The following ZNF561 variants were observed in gnomAD, a reference collection of about 807,000 sequenced individuals.
The protein encoded by ZNF561 is zinc finger protein 561.
ZNF561 carries 16 observed loss-of-function variants against 16.7 expected under a neutral mutation model. That is an observed-to-expected ratio of 0.96 (90% CI 0.65 to 1.45). The LOEUF is 1.45. Ranked by LOEUF, ZNF561 falls within the 40% of genes most tolerant of loss-of-function variation. The probability of loss-of-function intolerance (pLI) is 0.00; values close to 1 mark genes in which losing one functional copy is unlikely to be tolerated. For missense variants in ZNF561, 580 were observed against 578.0 expected, an observed-to-expected ratio of 1.00 and a Z score of -0.04; for synonymous variants, 190 against 192.1, an observed-to-expected ratio of 0.99 and a Z score of 0.09.
chr19:9,620,072 G>A (rs1395113030), intron 1 of ZNF561, among the ~76,000 whole-genome samples: 2 of 151,714 alleles, frequency 1.3e-5, no homozygotes, highest in African/African-American at 2.4e-5. Context: ...GGGACCATAG[G>A]TGCGTATCAT....
rs146152637 is a variant in ZNF561 at position 9,610,612 on chromosome 19, G to C, written c.1049C>G (p.Ser350Trp). 1.2e-6 allele frequency: 2 copies of C among 1,613,804 alleles called. No homozygotes were observed. Among genetic ancestry groups the C allele is most frequent in the Non-Finnish European group, 1.7e-6 (2 of 1,179,820 alleles). Residue 350 changes from serine (S) to tryptophan (W), a missense_variant, in exon 6 of 6, where the codon TCG becomes TGG. Coordinates refer to ENST00000302851, the MANE Select transcript of ZNF561 (RefSeq NM_152289.3). Reference sequence around the variant, plus strand: ...ACTTCGTATGTGTATAGAAAGGCCCGAGTACTGAGCAAAGGCTTGGCCACA... The same window carrying C: ...ACTTCGTATGTGTATAGAAAGGCCCCAGTACTGAGCAAAGGCTTGGCCACA... ...KECGQAFAQY[S>W]GLSIHIRSHS...
In ZNF561 at chr19:9,610,963, G is replaced by A; in HGVS notation, c.698C>T (p.Ala233Val). The change falls in exon 6 of 6, where the codon GCT becomes GTT. Residue 233 changes from alanine to valine, a missense_variant. By Grantham distance (64) the Ala-to-Val change is moderately conservative. Transcript: ENST00000302851. ...CTTTAGGTGTGAAGAAGCTGTGACAGCTCTCCCATATTCCTGAAATTCACA... is the reference window on the plus strand; with the variant it reads ...CTTTAGGTGTGAAGAAGCTGTGACAACTCTCCCATATTCCTGAAATTCACA... The part of the protein sequence containing the change: ...KLCEFQEYGR[A>V]VTASSHLKQC... 6.2e-7 allele frequency: 1 copy of A among 1,614,162 alleles called. No homozygotes were observed. The highest frequency in any genetic ancestry group is 8.5e-7 in the Non-Finnish European group (1 of 1,180,026).
chr19:9,608,644 G>C lies in ZNF561; in HGVS notation c.*1556C>G, dbSNP rs1252595017. 1 of 152,196 alleles carries C rather than the reference G, an allele frequency of 6.6e-6. No individual in the cohort carries two copies. Among genetic ancestry groups the C allele is most frequent in the Admixed American group, 6.6e-5 (1 of 15,266 alleles). 9.4% of individuals were successfully genotyped at this position (152,196 alleles called of 1,614,324 possible). A position where few individuals can be genotyped will look rare whatever the true frequency, so the allele number is the denominator to read the frequency against. Reference sequence around the variant, plus strand: ...TTCTGATGTGCAAGCTGGAAGTAAGGTTGGTAAGGGTGATCCTGGTGAGGT... The same window carrying C: ...TTCTGATGTGCAAGCTGGAAGTAAGCTTGGTAAGGGTGATCCTGGTGAGGT... On this transcript the variant is annotated 3_prime_UTR_variant, in exon 6 of 6. Coordinates refer to ENST00000302851, the MANE Select transcript of ZNF561 (RefSeq NM_152289.3).
At chr19:9,620,363 T>C (rs2074648722) in intron 1 of ZNF561, among the ~76,000 whole-genome samples, 1 of 152,186 alleles carries the variant, frequency 6.6e-6, no homozygotes, top group African/African-American at 2.4e-5. Flanking sequence ...TAGCTGGGAC[T>C]ACAGGTGCAC....
Position 9,611,074 on chromosome 19 carries a change from G to A in ZNF561, c.587C>T (p.Pro196Leu), listed in dbSNP as rs1338918330. ...VHLEVLNARQ[P>L]YKCKECGKGF... The stretch of plus-strand genomic sequence containing the variant: ...TTTTCCACATTCCTTACATTTGTAG[G>A]GTTGTCTTGCATTGAGAACTTCAAG... Residue 196 changes from proline (P) to leucine (L), a missense_variant, in exon 6 of 6, where the codon CCC (proline) becomes CTC (leucine). By Grantham distance (98) the Pro-to-Leu change is moderately conservative. Coordinates refer to ENST00000302851, the MANE Select transcript of ZNF561 (RefSeq NM_152289.3). 1 of 1,614,130 alleles carries A rather than the reference G, an allele frequency of 6.2e-7. No individual in the cohort carries two copies. Among genetic ancestry groups the A allele is most frequent in the Admixed American group, 1.7e-5 (1 of 60,002 alleles).
At chr19:9,613,647 A>C (rs1031876503) in intron 5 of ZNF561, among the ~76,000 whole-genome samples, 1 of 152,052 alleles carries the variant, frequency 6.6e-6, no homozygotes, top group African/African-American at 2.4e-5. Context: ...CCTCCCAAGT[A>C]ACTGGTATGA....
In ZNF561 at chr19:9,610,745, T is replaced by C. The variant is rs1395638081; in HGVS notation, c.916A>G (p.Ile306Val). 2 of 1,614,234 alleles carry C rather than the reference T, an allele frequency of 1.2e-6. No homozygotes were observed. Among genetic ancestry groups the C allele is most frequent in the African/African-American group, 2.7e-5 (2 of 75,074 alleles). The change falls in exon 6 of 6, where the codon ATA becomes GTA. Residue 306 changes from isoleucine (I) to valine (V), a missense_variant. Physicochemically the swap from Ile to Val is conservative, Grantham distance 29 (BLOSUM62 3). Coordinates refer to ENST00000302851, the MANE Select transcript of ZNF561 (RefSeq NM_152289.3). ...CAGTAAGTACACTTGTGTGGTTTTATTCCAGTGTGAATTTGAATGTGATCA... is the reference window on the plus strand; with the variant it reads ...CAGTAAGTACACTTGTGTGGTTTTACTCCAGTGTGAATTTGAATGTGATCA... ...LNDHIQIHTGIKPHKCTYCGK... is the reference protein window; with the variant it reads ...LNDHIQIHTGVKPHKCTYCGK...
At chr19:9,617,227 C>T in intron 3 of ZNF561, 56 bp from the exon 4 acceptor site, 1 of 1,578,668 alleles carries the variant, frequency 6.3e-7, no homozygotes, top group Non-Finnish European at 8.6e-7. Flanking sequence ...CCAATATTCA[C>T]TGGAGAATGA....
Position 9,618,039 on chromosome 19 carries a change from A to T in ZNF561, c.114+52T>A, listed in dbSNP as rs1026181208. The T allele has an allele frequency of 1.5e-5, 22 of 1,481,162 alleles. No individual in the cohort carries two copies. The African/African-American group carries it at 3.1e-4, about 21-fold the overall frequency. The allele number at this position is 1,481,162 out of a possible 1,614,324, so 91.8% of individuals were successfully genotyped here. On this transcript the variant is annotated intron_variant, in intron 3 of 5. Coordinates refer to ENST00000302851, the MANE Select transcript of ZNF561 (RefSeq NM_152289.3). ...AGTCTGTCTAGAAAGAAATCTGTCT[A>T]CCTATTGGATGAAAGCATATCATTT...
Position 9,610,586 on chromosome 19 carries a change from G to C in ZNF561, c.1075C>G (p.His359Asp). Residue 359 changes from histidine to aspartate, a missense_variant, in exon 6 of 6, where the codon CAC becomes GAC. Coordinates refer to ENST00000302851, the MANE Select transcript of ZNF561 (RefSeq NM_152289.3). ...YSGLSIHIRSHSGKKPYQCKE... is the reference protein window; with the variant it reads ...YSGLSIHIRSDSGKKPYQCKE... ...CACTGATAGGGTTTCTTTCCACTGT[G>C]ACTTCGTATGTGTATAGAAAGGCCC... The C allele has an allele frequency of 6.2e-7, 1 of 1,613,180 alleles. No homozygotes were observed.
Position 9,608,819 on chromosome 19 carries a change from C to A in ZNF561, c.*1381G>T, listed in dbSNP as rs2074395161. The A allele has an allele frequency of 6.6e-6, 1 of 152,182 alleles. No individual in the cohort carries two copies. The highest frequency in any genetic ancestry group is 1.5e-5 in the Non-Finnish European group (1 of 68,026). 9.4% of individuals were successfully genotyped at this position (152,182 alleles called of 1,614,324 possible). On this transcript the variant is annotated 3_prime_UTR_variant, in exon 6 of 6. Coordinates refer to ENST00000302851, the MANE Select transcript of ZNF561 (RefSeq NM_152289.3). Reference sequence around the variant, plus strand: ...AAAACTGGTTATGTATCACTAAGATCTGTACTTAAAGTGTTAAAGGACACA... The same window carrying A: ...AAAACTGGTTATGTATCACTAAGATATGTACTTAAAGTGTTAAAGGACACA...
chr19:9,610,454 T>C lies in ZNF561; in HGVS notation c.1207A>G (p.Ile403Val), dbSNP rs141455435. ...YECVECGKTF[I>V]TSSRRSKHLK... The stretch of plus-strand genomic sequence containing the variant: ...TGTTTACTACGACGGGAAGAAGTAA[T>C]GAAGGTCTTCCCACATTCAACACAT... Residue 403 changes from isoleucine (I) to valine (V), a missense_variant, in exon 6 of 6, where the codon ATT (isoleucine) becomes GTT (valine). By Grantham distance (29) the Ile-to-Val change is conservative. Coordinates refer to ENST00000302851, the MANE Select transcript of ZNF561 (RefSeq NM_152289.3). 4 of 1,611,874 alleles carry C rather than the reference T, an allele frequency of 2.5e-6. No homozygotes were observed. The highest frequency in any genetic ancestry group is 3.4e-6 in the Non-Finnish European group (4 of 1,178,406).
chr19:9,616,506 C>T (rs1189561812), intron 4 of ZNF561, among the ~76,000 whole-genome samples: 1 of 151,992 alleles, frequency 6.6e-6, no homozygotes, highest in African/African-American at 2.4e-5. Flanking sequence ...GTCTCAAATT[C>T]CTGACCGCAT....
intron 5 of ZNF561, 32 bp from the exon 6 acceptor site, chr19:9,611,368 T>C (rs1458493200): frequency 6.4e-7 from 1 of 1,567,340 alleles, no homozygotes; most frequent in Non-Finnish European, 8.6e-7. Flanking sequence ...TTTTAAAACA[T>C]TTTCAGACAT....
chr19:9,619,710 T>A, intron 1 of ZNF561, 128 bp from the exon 2 acceptor site: 1 of 368,012 alleles, frequency 2.7e-6, no homozygotes, highest in Non-Finnish European at 5.0e-6. Flanking sequence ...CGTCACTCAG[T>A]AACAAAAGTA....
Position 9,608,226 on chromosome 19 carries a change from A to C in ZNF561, c.*1974T>G. On this transcript the variant is annotated 3_prime_UTR_variant, in exon 6 of 6. Transcript: ENST00000302851. ...ATGATGTCAAGAGATGGGTAGGGGG[A>C]GGGAGGGGGAGGGAGGGGAAGGAGA... 1.2e-5 allele frequency: 1 copy of C among 80,470 alleles called. No homozygotes were observed. Among genetic ancestry groups the C allele is most frequent in the Admixed American group, 1.4e-4 (1 of 7,068 alleles). 5.0% of individuals were successfully genotyped at this position (80,470 alleles called of 1,614,324 possible).
In ZNF561 at chr19:9,609,133, A is replaced by G. The variant is rs1291734655; in HGVS notation, c.*1067T>C. 1 of 152,210 alleles carries G rather than the reference A, an allele frequency of 6.6e-6. No homozygotes were observed. The highest frequency in any genetic ancestry group is 1.9e-4 in the East Asian group (1 of 5,206). The allele number at this position is 152,210 out of a possible 1,614,324, so 9.4% of individuals were successfully genotyped here. A position where few individuals can be genotyped will look rare whatever the true frequency, so the allele number is the denominator to read the frequency against. ...CCTTAAGGACATGTTCCTGTTGCAGATAACAAGCCAGAGCCTGTCCCTTTC... is the reference window on the plus strand; with the variant it reads ...CCTTAAGGACATGTTCCTGTTGCAGGTAACAAGCCAGAGCCTGTCCCTTTC... On this transcript the variant is annotated 3_prime_UTR_variant, in exon 6 of 6. Transcript: ENST00000302851.
chr19:9,618,167 C>T lies in ZNF561; in HGVS notation c.38G>A (p.Arg13Lys). The T allele has an allele frequency of 1.3e-6, 2 of 1,550,868 alleles. No individual in the cohort carries two copies. Among genetic ancestry groups the T allele is most frequent in the South Asian group, 1.2e-5 (1 of 84,040 alleles). Reference sequence around the variant, plus strand: ...TTCTTCAAAAGGGCAGATTGGTTCCCTGGAAAAAAACCCTAGTGGAAAAGT... The same window carrying T: ...TTCTTCAAAAGGGCAGATTGGTTCCTTGGAAAAAAACCCTAGTGGAAAAGT... Reference protein sequence around the residue: ...AIYLSRGFFSREPICPFEEKT... With the variant: ...AIYLSRGFFSKEPICPFEEKT... The change falls in exon 3 of 6, where the codon AGG (arginine) becomes AAG (lysine). Residue 13 changes from arginine to lysine, a missense_variant. Coordinates refer to ENST00000302851, the MANE Select transcript of ZNF561 (RefSeq NM_152289.3).
At chr19:9,620,048 C>T (rs1277900465) in intron 1 of ZNF561, among the ~76,000 whole-genome samples, 1 of 152,032 alleles carries the variant, frequency 6.6e-6, no homozygotes, top group African/African-American at 2.4e-5. Context: ...CCCACTTCAG[C>T]CTCCTGAATA....
Sources: allele counts gnomAD v4.1 joint callset (sites outside exome capture counted in the v4.1 genomes callset), GRCh38; gene constraint gnomAD v4.1.1; transcripts MANE v1.5; gene names NCBI Gene and HGNC (gene_info 2026-07-23, HGNC 2026-07-21).